Variants in SNX11 observed in about 807,000 individuals in gnomAD.
SNX11 encodes the protein sorting nexin 11, also known as sorting nexin-11.
SNX11 carries 19 observed loss-of-function variants against 30.7 expected under a neutral mutation model. That is an observed-to-expected ratio of 0.62 (90% CI 0.43 to 0.91). The LOEUF is 0.91. Ranked by LOEUF, SNX11 falls within the 40% of genes least tolerant of loss-of-function variation. The pLI is 0.00. For missense variants in SNX11, 302 were observed against 326.7 expected (o/e 0.92, Z 0.58); for synonymous variants, 112 against 119.0 (o/e 0.94, Z 0.38).
At position 48,118,961 on chromosome 17, in the gene SNX11, G is replaced by A; in HGVS notation, c.327-13G>A. 1.9e-6 allele frequency: 3 copies of A among 1,613,392 alleles called. No homozygotes were observed. Among genetic ancestry groups the A allele is most frequent in the Non-Finnish European group, 2.5e-6 (3 of 1,179,526 alleles). ...GGTGATGCTCTGTGTTGTGCTACCT[G>A]TGTTTTTCCCAGGGTCCTGCAGAGT... On this transcript the variant is annotated splice_polypyrimidine_tract_variant and intron_variant, in intron 5 of 6. Transcript: ENST00000359238.
Position 48,121,417 on chromosome 17 carries a change from C to T in SNX11, c.722C>T (p.Thr241Ile). 1 of 1,614,148 alleles carries T rather than the reference C, an allele frequency of 6.2e-7. No individual in the cohort carries two copies. The change falls in exon 7 of 7, where the codon ACC becomes ATC. Residue 241 changes from threonine to isoleucine, a missense_variant. Transcript: ENST00000359238. ...GATTTTGGAAGACCCAAAGAGGGAA[C>T]CTCCACTCTTCAGTCTGTGAGGAGG... Reference protein sequence around the residue: ...CCDFGRPKEGTSTLQSVRRAV... With the variant: ...CCDFGRPKEGISTLQSVRRAV...
At chr17:48,108,084 G>A (rs1014766101) in intron 1 of SNX11, 18 of 152,352 alleles carry the variant, frequency 1.2e-4, no homozygotes, top group Admixed American at 9.2e-4. Flanking sequence ...AAAGAAAGAA[G>A]GACCATGTGG....
chr17:48,114,456 T>C (rs1167225357), intron 4 of SNX11, among the ~76,000 whole-genome samples: 3 of 138,556 alleles, frequency 2.2e-5, no homozygotes, highest in African/African-American at 8.5e-5. Flanking sequence ...GCCCAGGCCT[T>C]CTTTTTTTTT....
chr17:48,109,573 T>C lies in SNX11; in HGVS notation c.-14+1735T>C, dbSNP rs971096383. Among the ~76,000 whole-genome samples the C allele has an allele frequency of 3.5e-5, 5 of 142,568 alleles. No homozygotes were observed. In the Admixed American group the frequency reaches 3.7e-4, roughly 11 times the overall value. The allele number at this position is 142,568 out of a possible 152,430, so 93.5% of individuals were successfully genotyped here. ...GCACCCGGCCCATCTGGAGGTTTTTTGTTTTTTGTGTTTTTTTTTTTGACA... is the reference window on the plus strand; with the variant it reads ...GCACCCGGCCCATCTGGAGGTTTTTCGTTTTTTGTGTTTTTTTTTTTGACA... On this transcript the variant is annotated intron_variant, in intron 1 of 6. Coordinates refer to ENST00000359238, the MANE Select transcript of SNX11 (RefSeq NM_013323.3).
intron 1 of SNX11, chr17:48,111,047 C>T: frequency 1.0e-6 from 1 of 971,550 alleles, no homozygotes; most frequent in Non-Finnish European, 1.2e-6. Context: ...TACAAAGGAG[C>T]AGAACGCATC....
chr17:48,121,478 T>C lies in SNX11; in HGVS notation c.783T>C (p.Pro261=). The C allele has an allele frequency of 6.2e-7, 1 of 1,613,904 alleles. No homozygotes were observed. Residue 261 remains proline (P), a synonymous_variant, in exon 7 of 7, where the codon CCT becomes CCC. Coordinates refer to ENST00000359238, the MANE Select transcript of SNX11 (RefSeq NM_013323.3). The part of the protein sequence containing the change: ...VGGDHAVPLD[P]GQLETVLEK ...GAGATCATGCTGTGCCTTTGGACCCTGGTCAGTTAGAAACAGTTTTGGAAA... is the reference window on the plus strand; with the variant it reads ...GAGATCATGCTGTGCCTTTGGACCCCGGTCAGTTAGAAACAGTTTTGGAAA...
upstream of SNX11, chr17:48,107,622 C>T (rs960016389): frequency 6.6e-6 from 1 of 152,302 alleles, no homozygotes; most frequent in African/African-American, 2.4e-5. Context: ...ATCCCGACTC[C>T]AGTCCGGGGC....
intron 1 of SNX11, chr17:48,111,253 T>A: frequency 3.2e-6 from 1 of 308,906 alleles, no homozygotes; most frequent in Non-Finnish European, 4.7e-6. Context: ...GGGAGTTGAC[T>A]GGTTGTTAGT....
At chr17:48,121,127 A>G in intron 6 of SNX11, 108 bp from the exon 7 acceptor site, 2 of 1,219,902 alleles carry the variant, frequency 1.6e-6, no homozygotes, top group Non-Finnish European at 2.3e-6. Flanking sequence ...TTGGGATTAC[A>G]GGCACATGCC....
intron 3 of SNX11, 67 bp downstream of exon 3, chr17:48,112,727 T>TA: frequency 1.1e-6 from 1 of 930,282 alleles, no homozygotes; most frequent in Non-Finnish European, 1.6e-6. Flanking sequence ...TACTGAGGTG[T>TA]AACCTTTTTT....
rs1168304713 is a variant in SNX11 at position 48,122,602 on chromosome 17, C to T, written c.*1094C>T. ...CTTAGGTTTGTGTGTGTGATCCTTC[C>T]CCTCCCTGTCGCCCACTCCTCCCTC... On this transcript the variant is annotated 3_prime_UTR_variant, in exon 7 of 7. Coordinates refer to ENST00000359238, the MANE Select transcript of SNX11 (RefSeq NM_013323.3). 6.6e-6 allele frequency: 1 copy of T among 152,340 alleles called. No homozygotes were observed. The highest frequency in any genetic ancestry group is 6.5e-5 in the Admixed American group (1 of 15,276). The allele number at this position is 152,340 out of a possible 1,614,324, so 9.4% of individuals were successfully genotyped here.
chr17:48,121,648 A>G lies in SNX11; in HGVS notation c.*140A>G. 1.2e-6 allele frequency: 1 copy of G among 841,278 alleles called. No individual in the cohort carries two copies. Among genetic ancestry groups the G allele is most frequent in the East Asian group, 2.5e-5 (1 of 40,170 alleles). The allele number at this position is 841,278 out of a possible 1,614,324, so 52.1% of individuals were successfully genotyped here. On this transcript the variant is annotated 3_prime_UTR_variant, in exon 7 of 7. Coordinates refer to ENST00000359238, the MANE Select transcript of SNX11 (RefSeq NM_013323.3). Reference sequence around the variant, plus strand: ...CACCTCTGCTTGGGCTGATTGACAGAGGTCAGTCATTACAGCCCCTTATGC... The same window carrying G: ...CACCTCTGCTTGGGCTGATTGACAGGGGTCAGTCATTACAGCCCCTTATGC...
At chr17:48,113,239 C>T in intron 3 of SNX11, 62 bp from the exon 4 acceptor site, 1 of 1,320,528 alleles carries the variant, frequency 7.6e-7, no homozygotes, top group East Asian at 2.3e-5. Flanking sequence ...ATAGGGAGCT[C>T]ATGTGAACTT....
At chr17:48,118,408 T>C (rs1744122771) in intron 4 of SNX11, among the ~76,000 whole-genome samples, 1 of 151,884 alleles carries the variant, frequency 6.6e-6, no homozygotes, top group South Asian at 2.1e-4. Context: ...TGAAACCCCG[T>C]CTCTATTAAA....
intron 4 of SNX11, among the ~76,000 whole-genome samples, chr17:48,117,802 A>C (rs2144525480): frequency 6.6e-6 from 1 of 152,298 alleles, no homozygotes; most frequent in African/African-American, 2.4e-5. Context: ...CAGGAGTTTG[A>C]GACCAGCCTG....
intron 4 of SNX11, among the ~76,000 whole-genome samples, chr17:48,116,038 T>A (rs1284828407): frequency 6.6e-6 from 1 of 151,098 alleles, no homozygotes; most frequent in East Asian, 1.9e-4. Context: ...GGCAGGTGGA[T>A]CATGAGGTCA....
intron 3 of SNX11, 29 bp from the exon 4 acceptor site, chr17:48,113,272 T>G: frequency 6.4e-7 from 1 of 1,570,960 alleles, no homozygotes; most frequent in Non-Finnish European, 8.8e-7. Flanking sequence ...TAAACCCTTT[T>G]CATGTACTTC....
intron 3 of SNX11, 140 bp downstream of exon 3, chr17:48,112,800 G>A (rs1041989370): frequency 1.7e-5 from 7 of 414,166 alleles, no homozygotes; most frequent in African/African-American, 1.1e-4. Context: ...GTGTGATCTC[G>A]GCTTACTGCA....
rs1303995851 is a variant in SNX11, at chr17:48,112,087, T to A, written c.42+2T>A. 1 of 1,613,162 alleles carries A rather than the reference T, an allele frequency of 6.2e-7. No individual in the cohort carries two copies. The highest frequency in any genetic ancestry group is 8.5e-7 in the Non-Finnish European group (1 of 1,179,478). ...ATGTCGGAGAACCAAGAACAGGAGG[T>A]AAGAGTATGGTCTGCAGAGAACAGG... is the stretch of plus-strand genomic sequence containing the variant. On this transcript the variant is annotated splice_donor_variant, in intron 2 of 6. Transcript: ENST00000359238. LOFTEE classifies it high-confidence loss of function.
Sources: gnomAD v4.1 joint callset for allele counts (sites outside exome capture counted in the v4.1 genomes callset) on GRCh38, gnomAD v4.1.1 for gene constraint, MANE v1.5 for transcripts, NCBI Gene and HGNC (gene_info 2026-07-23, HGNC 2026-07-21) for gene names.